Variants in KLF9 observed in about 807,000 individuals in gnomAD.
The protein encoded by KLF9 is Krueppel-like factor 9.
KLF9 carries 2 observed loss-of-function variants against 17.3 expected under a neutral mutation model. The observed-to-expected ratio is 0.12, with a 90% CI of 0.05 to 0.36. KLF9 has a LOEUF of 0.36. KLF9 is among the 10% of genes least tolerant of loss of function. KLF9 has a pLI of 1.00. For missense variants in KLF9, 226 were observed against 333.2 expected (o/e 0.68, Z 2.51); for synonymous variants, 138 against 139.2 (o/e 0.99, Z 0.06).
chr9:70,389,424 T>A (rs1040302851), intron 1 of KLF9, among the ~76,000 whole-genome samples: 2 of 152,166 alleles, frequency 1.3e-5, no homozygotes, highest in South Asian at 2.1e-4. Context: ...CAGGGTCACA[T>A]AACTGGAAAG....
At chr9:70,397,350 C>T (rs1264268621) in intron 1 of KLF9, among the ~76,000 whole-genome samples, 1 of 152,014 alleles carries the variant, frequency 6.6e-6, no homozygotes, top group Non-Finnish European at 1.5e-5. Flanking sequence ...TGGCACATGC[C>T]TGTAATCCCA....
chr9:70,412,977 A>T lies in KLF9; in HGVS notation c.387T>A (p.Pro129=). The T allele has an allele frequency of 3.1e-6, 5 of 1,614,146 alleles. No individual in the cohort carries two copies. The highest frequency in any genetic ancestry group is 4.2e-6 in the Non-Finnish European group (5 of 1,180,012). ...SAPSPLSLLH[P]GVAAKGKHAS... is the part of the protein sequence containing the mutation. ...CGTGTTTCCCCTTCGCAGCCACTCC[A>T]GGATGGAGGAGGGAGAGCGGGCTGG... Residue 129 remains proline, a synonymous_variant, in exon 1 of 2, where the codon CCT becomes CCA. Coordinates refer to ENST00000377126, the MANE Select transcript of KLF9 (RefSeq NM_001206.4).
At chr9:70,404,208 A>T (rs1317595763) in intron 1 of KLF9, among the ~76,000 whole-genome samples, 3 of 152,224 alleles carry the variant, frequency 2.0e-5, no homozygotes, top group Non-Finnish European at 2.9e-5. Context: ...AAATGTTAGA[A>T]ATTGTCATTA....
At chr9:70,392,625 C>A (rs372726354) in intron 1 of KLF9, among the ~76,000 whole-genome samples, 1 of 152,054 alleles carries the variant, frequency 6.6e-6, no homozygotes, top group Admixed American at 6.6e-5. Context: ...CACATGTAGA[C>A]GAGAACAGAA....
intron 1 of KLF9, 70 bp downstream of exon 1, chr9:70,412,789 G>A: frequency 6.9e-7 from 1 of 1,442,558 alleles, no homozygotes. Context: ...TGTCCCGAAC[G>A]CCCAGGAACG....
rs771019940 is a variant in KLF9 at position 70,387,965 on chromosome 9, T to C, written c.546A>G (p.Lys182=). ...TCAGCTCGTCTGAGCGGGAGAACTT[T>C]TTAAGGCAGTCTGGCCACGTGCAGG... is the stretch of plus-strand genomic sequence containing the variant. ...PFPCTWPDCL[K]KFSRSDELTR... is the part of the protein sequence containing the mutation. Residue 182 remains lysine, a synonymous_variant, in exon 2 of 2, where the codon AAA becomes AAG. Transcript: ENST00000377126. The C allele has an allele frequency of 3.5e-5, 56 of 1,613,882 alleles. No homozygotes were observed. The South Asian group carries it at 6.1e-4, about 18-fold the overall frequency.
intron 1 of KLF9, among the ~76,000 whole-genome samples, chr9:70,403,818 G>A (rs1490654633): frequency 6.6e-6 from 1 of 152,154 alleles, no homozygotes; most frequent in Admixed American, 6.5e-5. Context: ...GAGTAGGTAT[G>A]GTCAGAGTCC....
chr9:70,391,496 C>G (rs572112968), intron 1 of KLF9, among the ~76,000 whole-genome samples: 1 of 152,126 alleles, frequency 6.6e-6, no homozygotes, highest in Admixed American at 6.5e-5. Flanking sequence ...AGAGGGACAC[C>G]CACAGAGCCC....
At position 70,413,496 on chromosome 9, in the gene KLF9, G is replaced by T; in HGVS notation, c.-133C>A. On this transcript the variant is annotated 5_prime_UTR_variant, in exon 1 of 2. Transcript: ENST00000377126. This position sits in a 1 kb window ranked among gnomAD's most constrained non-coding sequence, Gnocchi z 5.6. ...CGGCGCGGCGGCCAAGGGGGCGGGG[G>T]CGCGGGGCGCTTCCGACTCGCAGGA... 1.0e-6 allele frequency: 1 copy of T among 973,690 alleles called. No homozygotes were observed. Among genetic ancestry groups the T allele is most frequent in the Non-Finnish European group, 1.3e-6 (1 of 765,198 alleles). The allele number at this position is 973,690 out of a possible 1,614,324, so 60.3% of individuals were successfully genotyped here.
rs10868816 is a variant in KLF9 at position 70,386,573 on chromosome 9, T to C, written c.*1203A>G. ...CTCTTGCACCTGAGAGTGGGAGTTT[T>C]GTAGGAACACAGGAAGGAGACCAAC... On this transcript the variant is annotated 3_prime_UTR_variant, in exon 2 of 2. Coordinates refer to ENST00000377126, the MANE Select transcript of KLF9 (RefSeq NM_001206.4). 54,894 of 152,526 alleles carry C rather than the reference T, an allele frequency of 0.36. 10,824 individuals carry two copies. Among genetic ancestry groups the C allele is most frequent in the Non-Finnish European group, 0.44 (30,023 of 67,990 alleles). 9.4% of individuals were successfully genotyped at this position (152,526 alleles called of 1,614,324 possible).
At chr9:70,402,827 G>T (rs961822700) in intron 1 of KLF9, among the ~76,000 whole-genome samples, 5 of 152,134 alleles carry the variant, frequency 3.3e-5, no homozygotes, top group African/African-American at 1.2e-4. Context: ...GTCAAACTCT[G>T]TTCTTTGGAA....
In KLF9 at chr9:70,413,050, G is replaced by C; in HGVS notation, c.314C>G (p.Ser105Trp). The part of the protein sequence containing the change: ...SDSDVTTESG[S>W]SPSHSPEERQ... ...CTCCTCCGGGCTGTGGGAAGGACTC[G>C]ACCCAGATTCGGTGGTCACGTCGCT... Residue 105 changes from serine (S) to tryptophan (W), a missense_variant, in exon 1 of 2, where the codon TCG (serine) becomes TGG (tryptophan). Coordinates refer to ENST00000377126, the MANE Select transcript of KLF9 (RefSeq NM_001206.4). This position sits in a 1 kb window ranked among gnomAD's most constrained non-coding sequence, Gnocchi z 5.6. 1 of 1,614,090 alleles carries C rather than the reference G, an allele frequency of 6.2e-7. No individual in the cohort carries two copies. Among genetic ancestry groups the C allele is most frequent in the Non-Finnish European group, 8.5e-7 (1 of 1,179,978 alleles).
At position 70,385,669 on chromosome 9, in the gene KLF9, A is replaced by G. The variant is rs1437366796; in HGVS notation, c.*2107T>C. 1 of 152,628 alleles carries G rather than the reference A, an allele frequency of 6.6e-6. No individual in the cohort carries two copies. The highest frequency in any genetic ancestry group is 2.4e-5 in the African/African-American group (1 of 41,444). 9.5% of individuals were successfully genotyped at this position (152,628 alleles called of 1,614,324 possible). A position where few individuals can be genotyped will look rare whatever the true frequency, so the allele number is the denominator to read the frequency against. On this transcript the variant is annotated 3_prime_UTR_variant, in exon 2 of 2. Coordinates refer to ENST00000377126, the MANE Select transcript of KLF9 (RefSeq NM_001206.4). Reference sequence around the variant, plus strand: ...CAGCGTGCAGAGTATCATAAGCAGAACCATTCCATGAGCTCAGTGAGAAAT... The same window carrying G: ...CAGCGTGCAGAGTATCATAAGCAGAGCCATTCCATGAGCTCAGTGAGAAAT...
At chr9:70,389,780 GCCCTGGCTCCCAAGAGCCTGC>G (rs1564085677) in intron 1 of KLF9, among the ~76,000 whole-genome samples, 1 of 152,152 alleles carries the variant, frequency 6.6e-6, no homozygotes, top group African/African-American at 2.4e-5. Context: ...GACTGCCATC[GCCCTGGCTCCCAAGAGCCTGC>G]CTCTGCCTAC....
At chr9:70,401,035 G>A (rs1390410564) in intron 1 of KLF9, among the ~76,000 whole-genome samples, 1 of 152,022 alleles carries the variant, frequency 6.6e-6, no homozygotes, top group African/African-American at 2.4e-5. Flanking sequence ...GCTTTGGGAA[G>A]AAATGCCTCG....
chr9:70,409,022 GTATATATATATA>G (rs778803628), intron 1 of KLF9, among the ~76,000 whole-genome samples: 2 of 99,714 alleles, frequency 2.0e-5, no homozygotes, highest in African/African-American at 3.6e-5. Flanking sequence ...ACACATATAT[GTATATATATATA>G]TGTGTATATA....
chr9:70,393,770 A>G (rs983800599), intron 1 of KLF9, among the ~76,000 whole-genome samples: 6 of 152,154 alleles, frequency 3.9e-5, no homozygotes, highest in Admixed American at 3.9e-4. Context: ...CTTCTAGAAG[A>G]AAAATAATGC....
intron 1 of KLF9, among the ~76,000 whole-genome samples, chr9:70,405,010 C>T (rs1220383714): frequency 1.3e-5 from 2 of 152,152 alleles, no homozygotes; most frequent in African/African-American, 2.4e-5. Flanking sequence ...TTTGACTGTT[C>T]AATATGAAAT....
intron 1 of KLF9, among the ~76,000 whole-genome samples, chr9:70,389,482 C>T (rs2037138949): frequency 6.6e-6 from 1 of 152,188 alleles, no homozygotes; most frequent in Non-Finnish European, 1.5e-5. Context: ...CTCTTGGCCA[C>T]TTGGCTGTCC....
Sources: gnomAD v4.1 joint callset for allele counts (sites outside exome capture counted in the v4.1 genomes callset) on GRCh38, gnomAD v4.1.1 for gene constraint, Gnocchi (gnomAD v3.1) non-coding constraint, MANE v1.5 for transcripts, NCBI Gene and HGNC (gene_info 2026-07-23, HGNC 2026-07-21) for gene names.